Variants in OSBP2 observed in about 807,000 individuals in gnomAD.
OSBP2 encodes oxysterol-binding protein 2.
OSBP2 carries 66 observed loss-of-function variants against 96.0 expected under a neutral mutation model. The ratio of observed to expected loss-of-function variants is 0.69; its 90% CI spans 0.56 to 0.84. OSBP2 has a LOEUF of 0.84. Ranked by LOEUF, OSBP2 falls within the 40% of genes least tolerant of loss-of-function variation. OSBP2 has a pLI of 0.00. For synonymous variants in OSBP2, 525 were observed against 520.9 expected, an observed-to-expected ratio of 1.01 and a Z score of -0.11; for missense variants, 1,038 against 1,222.7, an observed-to-expected ratio of 0.85 and a Z score of 2.25.
In OSBP2 at chr22:30,889,521, G is replaced by C; in HGVS notation, c.1508G>C (p.Gly503Ala). The change falls in exon 7 of 14, where the codon GGT becomes GCT. Residue 503 changes from glycine to alanine, a missense_variant. Physicochemically the swap from Gly to Ala is moderately conservative, Grantham distance 60. This residue lies in a region of OSBP2 where 737 missense variants were observed against 913.3 expected (regional missense o/e 0.81). Transcript: ENST00000332585. ...GATGGTGCCTCGCTCGTGCCCAAGGGTTCATCCAAAGTCAAGAGGCGAGTC... is the reference window on the plus strand; with the variant it reads ...GATGGTGCCTCGCTCGTGCCCAAGGCTTCATCCAAAGTCAAGAGGCGAGTC... ...VLDGASLVPK[G>A]SSKVKRRVRI... 1 of 1,614,108 alleles carries C rather than the reference G, an allele frequency of 6.2e-7. No individual in the cohort carries two copies. Among genetic ancestry groups the C allele is most frequent in the Middle Eastern group, 1.6e-4 (1 of 6,062 alleles).
chr22:30,888,289 T>C lies in OSBP2; in HGVS notation c.1367T>C (p.Met456Thr). Residue 456 changes from methionine to threonine, a missense_variant, in exon 5 of 14, where the codon ATG (methionine) becomes ACG (threonine). Physicochemically the swap from Met to Thr is moderately conservative, Grantham distance 81. Coordinates refer to ENST00000332585, the MANE Select transcript of OSBP2 (RefSeq NM_030758.4). The stretch of plus-strand genomic sequence containing the variant: ...GAAGATACCGAGTACTTTGATGCCA[T>C]GGAAGACTCCACATCCTTCATCACC... ...EDEDTEYFDAMEDSTSFITVI... is the reference protein window; with the variant it reads ...EDEDTEYFDATEDSTSFITVI... The C allele has an allele frequency of 6.2e-7, 1 of 1,613,954 alleles. No homozygotes were observed. The highest frequency in any genetic ancestry group is 8.5e-7 in the Non-Finnish European group (1 of 1,179,892).
intron 5 of OSBP2, among the ~76,000 whole-genome samples, 155 bp downstream of exon 5, chr22:30,888,495 G>A (rs1443028817): frequency 6.6e-6 from 1 of 152,172 alleles, no homozygotes; most frequent in African/African-American, 2.4e-5. Flanking sequence ...GGGAGGCCAA[G>A]GGTAAGAAGA....
intron 12 of OSBP2, among the ~76,000 whole-genome samples, chr22:30,904,766 A>G (rs1179889281): frequency 1.3e-5 from 2 of 152,174 alleles, no homozygotes; most frequent in African/African-American, 4.8e-5. Context: ...CATAAAGCAA[A>G]TTTCAAAGGA....
At chr22:30,905,745 G>GAA in intron 12 of OSBP2, 92 bp from the exon 13 acceptor site, 1 of 1,156,808 alleles carries the variant, frequency 8.6e-7, no homozygotes, top group Admixed American at 3.5e-5. Flanking sequence ...AGGCGACCCG[G>GAA]GAGGAGACAC....
At chr22:30,825,695 G>A (rs565785565) in intron 2 of OSBP2, among the ~76,000 whole-genome samples, 9 of 152,330 alleles carry the variant, frequency 5.9e-5, no homozygotes, top group East Asian at 3.9e-4. Context: ...AGAGCAGAAC[G>A]TGTGAACCCC....
chr22:30,893,464 T>G lies in OSBP2; in HGVS notation c.1992T>G (p.Gly664=), dbSNP rs1469971754. 6.2e-7 allele frequency: 1 copy of G among 1,613,478 alleles called. No individual in the cohort carries two copies. Among genetic ancestry groups the G allele is most frequent in the Non-Finnish European group, 8.5e-7 (1 of 1,179,390 alleles). ...RGKYISIMPL[G]AIHLEFQASG... ...CTCTGACCTGTCCCCTGCCTCCAGG[T>G]GCCATCCACTTAGAATTCCAGGCCA... is the stretch of plus-strand genomic sequence containing the variant. Residue 664 remains glycine (G), a splice_region_variant and synonymous_variant, in exon 10 of 14, where the codon GGT becomes GGG. Coordinates refer to ENST00000332585, the MANE Select transcript of OSBP2 (RefSeq NM_030758.4).
At chr22:30,789,305 A>G (rs1257718386) in intron 2 of OSBP2, among the ~76,000 whole-genome samples, 1 of 152,182 alleles carries the variant, frequency 6.6e-6, no homozygotes, top group Non-Finnish European at 1.5e-5. Flanking sequence ...TCTGGGAAGA[A>G]GTCCAACCTT....
At chr22:30,696,442 A>G (rs2089036968) in intron 1 of OSBP2, among the ~76,000 whole-genome samples, 1 of 152,186 alleles carries the variant, frequency 6.6e-6, no homozygotes, top group Non-Finnish European at 1.5e-5. Flanking sequence ...TTTCTGTTAC[A>G]GTGGGCCTAG....
At chr22:30,806,580 C>G (rs904599786) in intron 2 of OSBP2, among the ~76,000 whole-genome samples, 1 of 152,214 alleles carries the variant, frequency 6.6e-6, no homozygotes, top group South Asian at 2.1e-4. Context: ...AGCTTGAGGC[C>G]CAGAGAGGAA....
At chr22:30,776,799 C>T (rs79521507) in intron 2 of OSBP2, among the ~76,000 whole-genome samples, 1,582 of 152,312 alleles carry the variant, frequency 0.01, 8 homozygotes, top group Non-Finnish European at 0.014. Context: ...GAAATATTCA[C>T]GTTAATCCTT....
chr22:30,763,661 T>G, intron 2 of OSBP2, among the ~76,000 whole-genome samples: 1 of 149,868 alleles, frequency 6.7e-6, no homozygotes, highest in African/African-American at 2.4e-5. Flanking sequence ...AACCCACAGG[T>G]CACCCAGTTT....
intron 1 of OSBP2, among the ~76,000 whole-genome samples, chr22:30,730,811 T>TATATATATATAA (rs544751584): frequency 1.4e-5 from 1 of 69,556 alleles, no homozygotes; most frequent in Non-Finnish European, 2.5e-5. Flanking sequence ...TATATATAAT[T>TATATATATATAA]TTTTTTTTTT....
intron 2 of OSBP2, among the ~76,000 whole-genome samples, chr22:30,840,590 C>G (rs1434377343): frequency 6.6e-6 from 1 of 152,168 alleles, no homozygotes; most frequent in Non-Finnish European, 1.5e-5. Context: ...GTAACATAGC[C>G]TCTCCAAACC....
At chr22:30,725,642 C>T (rs2089636846) in intron 1 of OSBP2, among the ~76,000 whole-genome samples, 1 of 152,120 alleles carries the variant, frequency 6.6e-6, no homozygotes, top group South Asian at 2.1e-4. Flanking sequence ...TTCCTGATCT[C>T]CTCCCCTTTC....
At chr22:30,874,578 T>C (rs969952114) in intron 3 of OSBP2, among the ~76,000 whole-genome samples, 4 of 152,124 alleles carry the variant, frequency 2.6e-5, no homozygotes, top group African/African-American at 4.8e-5. Context: ...CCACAGCTAG[T>C]GGTGCAGGCC....
chr22:30,889,685 T>G (rs754509949), intron 7 of OSBP2, 49 bp downstream of exon 7: 1 of 1,591,026 alleles, frequency 6.3e-7, no homozygotes, highest in Admixed American at 1.7e-5. Flanking sequence ...GGGGCTGCTT[T>G]CCTGTGCGTG....
chr22:30,816,443 C>G (rs561359114), intron 2 of OSBP2, among the ~76,000 whole-genome samples: 1 of 152,286 alleles, frequency 6.6e-6, no homozygotes, highest in South Asian at 2.1e-4. Context: ...CCTGAGAAGA[C>G]GCTGATCTCC....
intron 2 of OSBP2, among the ~76,000 whole-genome samples, chr22:30,788,418 G>A (rs565291499): frequency 5.8e-4 from 88 of 152,272 alleles, no homozygotes; most frequent in African/African-American, 1.9e-3. Context: ...TTTGCAACGT[G>A]GGGAGCTTTC....
chr22:30,698,592 C>G (rs970525119), intron 1 of OSBP2, among the ~76,000 whole-genome samples: 5 of 152,018 alleles, frequency 3.3e-5, no homozygotes, highest in African/African-American at 9.7e-5. Flanking sequence ...GCGTGCACCA[C>G]CACGCCTGGC....
Sources: allele counts gnomAD v4.1 joint callset (sites outside exome capture counted in the v4.1 genomes callset), GRCh38; gene constraint gnomAD v4.1.1; regional missense constraint gnomAD v4.1.1; transcripts MANE v1.5; gene names NCBI Gene and HGNC (gene_info 2026-07-23, HGNC 2026-07-21).